The following MID1 variants were observed in gnomAD, a reference collection of about 807,000 sequenced individuals.
The protein encoded by MID1 is midline 1.
In MID1, 7 loss-of-function variants were observed where a neutral mutation model predicts 40.4. The ratio of observed to expected loss-of-function variants is 0.17; its 90% CI spans 0.10 to 0.33. The LOEUF is 0.33. Ranked by LOEUF, MID1 falls within the 10% of genes least tolerant of loss-of-function variation. MID1 has a pLI of 1.00. For missense variants in MID1, 367 were observed against 558.5 expected, an observed-to-expected ratio of 0.66 and a Z score of 3.46; for synonymous variants, 229 against 221.2, an observed-to-expected ratio of 1.04 and a Z score of -0.31.
chrX:10,527,993 G>A (rs1932865206), intron 2 of MID1, among the ~76,000 whole-genome samples: 1 of 111,481 alleles, frequency 9.0e-6, no homozygotes, highest in Admixed American at 9.5e-5. Flanking sequence ...ACCCATTTTT[G>A]CGTATGCCTT....
chrX:10,668,544 C>T (rs1013695465), intron 1 of MID1, among the ~76,000 whole-genome samples: 6 of 112,096 alleles, frequency 5.4e-5, no homozygotes, highest in African/African-American at 1.9e-4. Context: ...AATGTTTGCT[C>T]TTGCTGTTAT....
At chrX:10,824,744 A>T (rs1210201290) in intron 1 of MID1, among the ~76,000 whole-genome samples, 1 of 111,850 alleles carries the variant, frequency 8.9e-6, no homozygotes, top group Non-Finnish European at 1.9e-5. Flanking sequence ...AAAGTAGTGG[A>T]AAGAGAAAGG....
intron 1 of MID1, among the ~76,000 whole-genome samples, chrX:10,608,744 A>G (rs184829363): frequency 1.7e-3 from 190 of 112,044 alleles, no homozygotes; most frequent in Non-Finnish European, 1.7e-3. Flanking sequence ...ACAGTGGTAG[A>G]GTTGTTTTAA....
Position 10,446,463 on chromosome X carries a change from T to C in MID1, c.*2905A>G, listed in dbSNP as rs896024767. The C allele has an allele frequency of 8.9e-6, 1 of 111,874 alleles. No homozygotes were observed. Among genetic ancestry groups the C allele is most frequent in the Non-Finnish European group, 1.9e-5 (1 of 53,209 alleles). 9.2% of individuals were successfully genotyped at this position (111,874 alleles called of 1,213,427 possible). A position where few individuals can be genotyped will look rare whatever the true frequency, so the allele number is the denominator to read the frequency against. On this transcript the variant is annotated 3_prime_UTR_variant, in exon 10 of 10. Coordinates refer to ENST00000317552, the MANE Select transcript of MID1 (RefSeq NM_000381.4). ...CTCCAGCAGAAACCATCGTCAATAT[T>C]TGCAGTCAGTTTTTGAAGTCACTTT...
At chrX:10,808,815 A>T (rs1483581066) in intron 1 of MID1, among the ~76,000 whole-genome samples, 2 of 112,206 alleles carry the variant, frequency 1.8e-5, no homozygotes, top group Non-Finnish European at 3.8e-5. Flanking sequence ...ACCTAAAACC[A>T]TAAAAACCCT....
intron 2 of MID1, among the ~76,000 whole-genome samples, chrX:10,526,385 G>A (rs1932832763): frequency 9.0e-6 from 1 of 111,129 alleles, no homozygotes; most frequent in Non-Finnish European, 1.9e-5. Flanking sequence ...TATGGTCAGA[G>A]ACTAGAGGAT....
chrX:10,633,025 T>A (rs888697669), intron 1 of MID1, among the ~76,000 whole-genome samples: 1 of 111,660 alleles, frequency 9.0e-6, no homozygotes, highest in Non-Finnish European at 1.9e-5. Context: ...CCAAGCTTGA[T>A]GTGTTTACCT....
chrX:10,786,828 G>GCT, intron 1 of MID1, among the ~76,000 whole-genome samples: 1 of 64,252 alleles, frequency 1.6e-5, no homozygotes, highest in Non-Finnish European at 2.8e-5. Context: ...GGGGTGGGGG[G>GCT]AGGGGGGAGG....
intron 3 of MID1, among the ~76,000 whole-genome samples, chrX:10,518,303 A>C (rs1932548574): frequency 1.8e-5 from 2 of 111,877 alleles, no homozygotes; most frequent in South Asian, 7.5e-4. Context: ...ACAGAGTCTG[A>C]CTTTCTATTT....
chrX:10,685,571 C>T (rs979234002), intron 1 of MID1, among the ~76,000 whole-genome samples: 1 of 111,574 alleles, frequency 9.0e-6, no homozygotes, highest in Non-Finnish European at 1.9e-5. Flanking sequence ...AAGGAAGGAA[C>T]GCTGCTCAGA....
chrX:10,549,684 G>A (rs1443992486), intron 2 of MID1, among the ~76,000 whole-genome samples: 1 of 113,095 alleles, frequency 8.8e-6, no homozygotes, highest in African/African-American at 3.2e-5. Context: ...CACCAAGTTT[G>A]CACATTAGAA....
intron 1 of MID1, among the ~76,000 whole-genome samples, chrX:10,817,130 A>AT (rs1266368331): frequency 8.9e-6 from 1 of 112,389 alleles, no homozygotes; most frequent in Non-Finnish European, 1.9e-5. Flanking sequence ...GAAATGACAA[A>AT]TAAGCACCTT....
chrX:10,832,946 T>C (rs144258605), intron 1 of MID1, among the ~76,000 whole-genome samples: 2,544 of 112,684 alleles, frequency 0.023, 71 homozygotes, highest in African/African-American at 0.078. Flanking sequence ...TCTCGCCATA[T>C]ATATAAATAG....
intron 4 of MID1, among the ~76,000 whole-genome samples, chrX:10,491,742 T>C (rs930157641): frequency 8.9e-6 from 1 of 112,256 alleles, no homozygotes; most frequent in African/African-American, 3.2e-5. Context: ...TTGTTGATAA[T>C]ATCTAATGAG....
chrX:10,680,261 C>A (rs753342685), intron 1 of MID1, among the ~76,000 whole-genome samples: 13 of 111,524 alleles, frequency 1.2e-4, no homozygotes, highest in African/African-American at 3.2e-4. Context: ...CTTGAAGATA[C>A]GTATCTTTAC....
intron 3 of MID1, among the ~76,000 whole-genome samples, chrX:10,503,329 T>C (rs970541770): frequency 2.7e-5 from 3 of 111,693 alleles, no homozygotes; most frequent in Non-Finnish European, 5.6e-5. Flanking sequence ...TCATCTGATA[T>C]GTTTATATGT....
Position 10,763,514 on chromosome X carries a change from C to G in MID1, c.-187+70040G>C, listed in dbSNP as rs748972742. 5.9e-3 allele frequency among the ~76,000 whole-genome samples: 663 copies of G among 111,533 alleles called. 6 individuals are homozygous for G. Among genetic ancestry groups the G allele is most frequent in the African/African-American group, 0.02 (597 of 30,601 alleles). Reference sequence around the variant, plus strand: ...ATGAACTCATCCTTTCTTATGGCTGCGTAGTATTCCACGGTGTATATGTGC... The same window carrying G: ...ATGAACTCATCCTTTCTTATGGCTGGGTAGTATTCCACGGTGTATATGTGC... On this transcript the variant is annotated intron_variant, in intron 1 of 10. Transcript: ENST00000380785.
At chrX:10,552,236 C>G (rs1933941606) in intron 2 of MID1, among the ~76,000 whole-genome samples, 1 of 110,201 alleles carries the variant, frequency 9.1e-6, no homozygotes, top group South Asian at 3.8e-4. Flanking sequence ...TTAGAGTAGT[C>G]CTCCATGAGA....
chrX:10,725,163 C>T (rs1296158400), intron 1 of MID1, among the ~76,000 whole-genome samples: 1 of 111,777 alleles, frequency 8.9e-6, no homozygotes, highest in Non-Finnish European at 1.9e-5. Flanking sequence ...CACTGTGACA[C>T]TAAGAGTAGC....
Sources: gnomAD v4.1 joint callset for allele counts (sites outside exome capture counted in the v4.1 genomes callset) on GRCh38, gnomAD v4.1.1 for gene constraint, MANE v1.5 for transcripts, NCBI Gene and HGNC (gene_info 2026-07-23, HGNC 2026-07-21) for gene names.